The following NBEA variants were observed in gnomAD, a reference collection of about 807,000 sequenced individuals.
NBEA encodes the protein neurobeachin, also known as lysosomal-trafficking regulator 2.
In NBEA, 44 loss-of-function variants were observed where a neutral mutation model predicts 343.4. That is an observed-to-expected ratio of 0.13 (90% CI 0.10 to 0.16). NBEA has a LOEUF of 0.16. Among genes scored for constraint, NBEA ranks in the 10% least tolerant of loss-of-function variants. The probability of loss-of-function intolerance (pLI) is 1.00; values close to 1 mark genes in which losing one functional copy is unlikely to be tolerated. For synonymous variants in NBEA, 1,175 were observed against 1,238.7 expected, an observed-to-expected ratio of 0.95 and a Z score of 1.08; for missense variants, 2,555 against 3,631.3, an observed-to-expected ratio of 0.70 and a Z score of 7.62.
intron 25 of NBEA, chr13:35,170,997 C>A: frequency 6.1e-6 from 3 of 494,788 alleles, no homozygotes; most frequent in Non-Finnish European, 3.8e-6. Context: ...GTGAAATGAT[C>A]TTAAGTTTAG....
chr13:35,044,733 A>G (rs2062782809), intron 2 of NBEA, among the ~76,000 whole-genome samples: 1 of 151,400 alleles, frequency 6.6e-6, no homozygotes, highest in Non-Finnish European at 1.5e-5. Context: ...ATGTAATTCA[A>G]ATAAATTCTT....
chr13:35,047,567 A>G (rs1344217930), intron 4 of NBEA, among the ~76,000 whole-genome samples: 1 of 151,888 alleles, frequency 6.6e-6, no homozygotes, highest in African/African-American at 2.4e-5. Context: ...AAGCAACATG[A>G]TGTATAGGAA....
At chr13:35,187,416 C>T (rs954622844) in intron 30 of NBEA, among the ~76,000 whole-genome samples, 4 of 151,262 alleles carry the variant, frequency 2.6e-5, no homozygotes, top group African/African-American at 9.7e-5. Context: ...TTGGAAATAA[C>T]ACTAATATAT....
chr13:35,414,383 C>T (rs1714612900), intron 38 of NBEA, among the ~76,000 whole-genome samples: 2 of 151,990 alleles, frequency 1.3e-5, no homozygotes, highest in South Asian at 4.2e-4. Context: ...CTCCTCCCTC[C>T]CCCCACCTCA....
intron 1 of NBEA, among the ~76,000 whole-genome samples, chr13:35,005,026 TTGATAC>T (rs1286605590): frequency 6.6e-6 from 1 of 152,170 alleles, no homozygotes; most frequent in Non-Finnish European, 1.5e-5. Context: ...ATGCATTAAG[TTGATAC>T]TGATTATCAA....
rs1351885270 is a variant in NBEA, at chr13:34,992,063, T to TA, written c.295-48868dup. On this transcript the variant is annotated intron_variant, in intron 1 of 58. Coordinates refer to ENST00000379939, the MANE Select transcript of NBEA (RefSeq NM_001385012.1). Reference sequence around the variant, plus strand: ...TGACTTTTATTCTCTGCCTTTTTTTTAAGCTTTCCTCTACCCTTGATTTAC... The same window carrying TA: ...TGACTTTTATTCTCTGCCTTTTTTTTAAAGCTTTCCTCTACCCTTGATTTAC... 2.0e-5 allele frequency among the ~76,000 whole-genome samples: 3 copies of TA among 151,304 alleles called. No individual in the cohort carries two copies. The East Asian group carries it at 5.8e-4, about 29-fold the overall frequency.
At chr13:35,185,021 G>C (rs919438255) in intron 30 of NBEA, among the ~76,000 whole-genome samples, 1 of 152,124 alleles carries the variant, frequency 6.6e-6, no homozygotes, top group African/African-American at 2.4e-5. Context: ...AATCGCATGA[G>C]CTCTGTAAAA....
chr13:35,421,420 C>T (rs2044263261), intron 38 of NBEA, among the ~76,000 whole-genome samples: 1 of 151,996 alleles, frequency 6.6e-6, no homozygotes, highest in South Asian at 2.1e-4. Context: ...TTCTGTCAGT[C>T]CATGTGAAAT....
intron 41 of NBEA, among the ~76,000 whole-genome samples, chr13:35,505,583 C>T (rs757952363): frequency 6.6e-6 from 1 of 152,044 alleles, no homozygotes; most frequent in Non-Finnish European, 1.5e-5. Context: ...TAAGCTGAAG[C>T]CTGAAGCTAT....
intron 55 of NBEA, among the ~76,000 whole-genome samples, chr13:35,663,052 G>A (rs1486746411): frequency 6.6e-6 from 1 of 152,156 alleles, no homozygotes; most frequent in African/African-American, 2.4e-5. Context: ...GATACAATGT[G>A]TAATGATCAA....
At chr13:35,613,669 G>A (rs937629126) in intron 48 of NBEA, among the ~76,000 whole-genome samples, 1 of 152,106 alleles carries the variant, frequency 6.6e-6, no homozygotes, top group African/African-American at 2.4e-5. Flanking sequence ...TGCCCAGACT[G>A]AAGTGCAGTG....
At chr13:35,483,431 A>G (rs2076193351) in intron 41 of NBEA, among the ~76,000 whole-genome samples, 1 of 151,986 alleles carries the variant, frequency 6.6e-6, no homozygotes, top group Admixed American at 6.6e-5. Context: ...TTGAGGCTAA[A>G]GAGTTTATTA....
At chr13:35,286,294 T>C (rs572387657) in intron 34 of NBEA, among the ~76,000 whole-genome samples, 1 of 152,286 alleles carries the variant, frequency 6.6e-6, no homozygotes, top group East Asian at 1.9e-4. Context: ...TGTAATTTTT[T>C]CTCTACAGTT....
In NBEA at chr13:35,159,949, A is replaced by G; in HGVS notation, c.3778A>G (p.Ile1260Val). 3 of 1,593,704 alleles carry G rather than the reference A, an allele frequency of 1.9e-6. No individual in the cohort carries two copies. The highest frequency in any genetic ancestry group is 2.6e-6 in the Non-Finnish European group (3 of 1,169,398). ...TGTACCAAATATTGATGCAGGAAGT[A>G]TAATTTCAGATACTGAAAGGTCTGA... is the stretch of plus-strand genomic sequence containing the variant. ...KIVPNIDAGSIISDTERSDDG... is the reference protein window; with the variant it reads ...KIVPNIDAGSVISDTERSDDG... Residue 1260 changes from isoleucine to valine, a missense_variant, in exon 22 of 59, where the codon ATA becomes GTA. Ile to Val is a conservative substitution (Grantham distance 29). Coordinates refer to ENST00000379939, the MANE Select transcript of NBEA (RefSeq NM_001385012.1).
chr13:35,242,319 A>T (rs977216803), intron 34 of NBEA, among the ~76,000 whole-genome samples: 1 of 151,920 alleles, frequency 6.6e-6, no homozygotes, highest in Non-Finnish European at 1.5e-5. Context: ...GACAGAAGAA[A>T]GAATCAGCAA....
chr13:35,484,280 A>G (rs974682308), intron 41 of NBEA, among the ~76,000 whole-genome samples: 3,264 of 132,678 alleles, frequency 0.025, 77 homozygotes, highest in East Asian at 0.091. Flanking sequence ...GTGTGTATAT[A>G]TATATATATA....
chr13:35,145,379 T>C (rs544011792), intron 18 of NBEA, among the ~76,000 whole-genome samples: 7 of 152,322 alleles, frequency 4.6e-5, no homozygotes, highest in Admixed American at 4.6e-4. Context: ...CCAGATATTT[T>C]ACTTCCAGTT....
intron 17 of NBEA, among the ~76,000 whole-genome samples, chr13:35,141,329 C>T (rs1214756379): frequency 3.3e-5 from 5 of 152,028 alleles, no homozygotes; most frequent in East Asian, 3.8e-4. Context: ...TGCAGTGGCT[C>T]GATCTCGGCT....
chr13:35,246,459 C>A (rs1324222340), intron 34 of NBEA, among the ~76,000 whole-genome samples: 1 of 152,142 alleles, frequency 6.6e-6, no homozygotes, highest in Non-Finnish European at 1.5e-5. Context: ...TGTTCAGATT[C>A]TTTTGTTCCA....
Sources: gnomAD v4.1 joint callset for allele counts (sites outside exome capture counted in the v4.1 genomes callset) on GRCh38, gnomAD v4.1.1 for gene constraint, MANE v1.5 for transcripts, NCBI Gene and HGNC (gene_info 2026-07-23, HGNC 2026-07-21) for gene names.